The following CNTNAP2 variants were observed in gnomAD, a reference collection of about 807,000 sequenced individuals.
CNTNAP2 encodes the protein contactin associated protein 2.
Under a neutral mutation model 155.2 loss-of-function variants are expected in CNTNAP2, and 98 were observed. The ratio of observed to expected loss-of-function variants is 0.63; its 90% confidence interval spans 0.54 to 0.75. The LOEUF is 0.75. CNTNAP2 is among the 30% of genes least tolerant of loss of function. CNTNAP2 has a pLI of 0.00. For missense variants in CNTNAP2, 1,727 were observed against 1,688.1 expected, an observed-to-expected ratio of 1.02 and a Z score of -0.40; for synonymous variants, 651 against 631.2, an observed-to-expected ratio of 1.03 and a Z score of -0.47.
intron 13 of CNTNAP2, among the ~76,000 whole-genome samples, chr7:147,890,078 A>T (rs1368871006): frequency 2.6e-5 from 4 of 152,206 alleles, no homozygotes; most frequent in South Asian, 2.1e-4. Flanking sequence ...TAGACATTTT[A>T]AAAATACTTC....
intron 1 of CNTNAP2, among the ~76,000 whole-genome samples, chr7:146,744,227 CAA>C (rs60606492): frequency 0.081 from 3,868 of 47,660 alleles, 25 homozygotes; most frequent in African/African-American, 0.17. Flanking sequence ...CACTCTGTCT[CAA>C]AAAAAAAAAA....
At chr7:148,226,705 G>A (rs187603552) in intron 19 of CNTNAP2, among the ~76,000 whole-genome samples, 244 of 152,284 alleles carry the variant, frequency 1.6e-3, no homozygotes, top group African/African-American at 5.6e-3. Context: ...CCCCTCCCAC[G>A]TGCTCGCAGG....
chr7:147,124,083 A>C (rs1342230050), intron 6 of CNTNAP2, among the ~76,000 whole-genome samples: 1 of 152,118 alleles, frequency 6.6e-6, no homozygotes, highest in Non-Finnish European at 1.5e-5. Context: ...CACGGACTGT[A>C]TTAGAGTCAG....
chr7:147,180,766 G>A (rs1019212916), intron 8 of CNTNAP2, among the ~76,000 whole-genome samples: 3 of 152,006 alleles, frequency 2.0e-5, no homozygotes, highest in East Asian at 1.9e-4. Flanking sequence ...ATACTTGTAC[G>A]CTGTACTGAT....
intron 15 of CNTNAP2, among the ~76,000 whole-genome samples, chr7:148,007,236 A>G (rs1242421698): frequency 6.6e-6 from 1 of 151,856 alleles, no homozygotes; most frequent in African/African-American, 2.4e-5. Context: ...TCAACAAAAC[A>G]GAGCAAATTC....
intron 1 of CNTNAP2, among the ~76,000 whole-genome samples, chr7:146,336,092 G>A (rs1000471987): frequency 1.3e-5 from 2 of 151,672 alleles, no homozygotes; most frequent in African/African-American, 2.4e-5. Context: ...CCAGCTACTC[G>A]GGAGGATGAG....
At position 146,367,136 on chromosome 7, in the gene CNTNAP2, T is replaced by C. The variant is rs577785890; in HGVS notation, c.97+250163T>C. 5.9e-5 allele frequency among the ~76,000 whole-genome samples: 9 copies of C among 152,298 alleles called. No homozygotes were observed. The East Asian group carries it at 1.7e-3, about 29-fold the overall frequency. On this transcript the variant is annotated intron_variant, in intron 1 of 23. Coordinates refer to ENST00000361727, the MANE Select transcript of CNTNAP2 (RefSeq NM_014141.6). ...AGTGCATGATTTCATCCTTTAGCCATGGTGATTCATTGTTGATGACTAATA... is the reference window on the plus strand; with the variant it reads ...AGTGCATGATTTCATCCTTTAGCCACGGTGATTCATTGTTGATGACTAATA...
intron 1 of CNTNAP2, among the ~76,000 whole-genome samples, chr7:146,624,000 T>A (rs1195159156): frequency 6.6e-6 from 1 of 152,108 alleles, no homozygotes; most frequent in Non-Finnish European, 1.5e-5. Flanking sequence ...TGCTCTAACT[T>A]AATGGCAAAT....
intron 1 of CNTNAP2, among the ~76,000 whole-genome samples, chr7:146,631,479 C>T (rs1455471494): frequency 6.6e-6 from 1 of 152,086 alleles, no homozygotes; most frequent in Admixed American, 6.6e-5. Flanking sequence ...TCGGTTCTGT[C>T]CCAAGGTAAA....
intron 8 of CNTNAP2, among the ~76,000 whole-genome samples, chr7:147,251,172 GC>G (rs993588364): frequency 6.6e-6 from 1 of 152,126 alleles, no homozygotes; most frequent in Non-Finnish European, 1.5e-5. Flanking sequence ...ATAAAAAAGA[GC>G]AGGATTTCAC....
At chr7:146,403,610 A>G (rs981781417) in intron 1 of CNTNAP2, among the ~76,000 whole-genome samples, 23 of 152,170 alleles carry the variant, frequency 1.5e-4, no homozygotes, top group Non-Finnish European at 1.8e-4. Context: ...TATTTTGGAA[A>G]ACAAATGTTA....
At chr7:146,642,943 T>A (rs1799737953) in intron 1 of CNTNAP2, among the ~76,000 whole-genome samples, 1 of 151,376 alleles carries the variant, frequency 6.6e-6, no homozygotes, top group Non-Finnish European at 1.5e-5. Context: ...GTTTTTTGGC[T>A]GCATAAATGT....
intron 12 of CNTNAP2, among the ~76,000 whole-genome samples, chr7:147,596,550 A>T (rs1002843164): frequency 1.3e-5 from 2 of 152,088 alleles, no homozygotes; most frequent in Non-Finnish European, 2.9e-5. Flanking sequence ...CGGGGTCTCA[A>T]ACCTTGTGCA....
At position 148,027,869 on chromosome 7, in the gene CNTNAP2, A is replaced by G. The variant is rs575850404; in HGVS notation, c.2383+49880A>G. On this transcript the variant is annotated intron_variant, in intron 15 of 23. Coordinates refer to ENST00000361727, the MANE Select transcript of CNTNAP2 (RefSeq NM_014141.6). ...TGAAACACTCAACTTGGGCCTCTCA[A>G]TTTCTGAAACTCTTGACTTTGATGA... 2.6e-5 allele frequency among the ~76,000 whole-genome samples: 4 copies of G among 152,266 alleles called. No homozygotes were observed. The East Asian group carries it at 7.7e-4, about 29-fold the overall frequency.
intron 1 of CNTNAP2, among the ~76,000 whole-genome samples, chr7:146,523,524 C>T (rs1797645520): frequency 6.6e-6 from 1 of 152,074 alleles, no homozygotes; most frequent in African/African-American, 2.4e-5. Context: ...ACCTTTCCAA[C>T]CTCCTTAATC....
chr7:147,855,887 C>T lies in CNTNAP2; in HGVS notation c.2099-47678C>T, dbSNP rs370487110. On this transcript the variant is annotated intron_variant, in intron 13 of 23. Transcript: ENST00000361727. ...GTCTAAAAAGATGTTCTGCCCATGT[C>T]GATTTGAACACCTATTTTTTGTAAA... Among the ~76,000 whole-genome samples the T allele has an allele frequency of 5.9e-5, 9 of 152,204 alleles. No individual in the cohort carries two copies. The East Asian group carries it at 9.7e-4, about 16-fold the overall frequency.
At chr7:146,466,326 T>A (rs1796716904) in intron 1 of CNTNAP2, among the ~76,000 whole-genome samples, 1 of 152,190 alleles carries the variant, frequency 6.6e-6, no homozygotes, top group African/African-American at 2.4e-5. Context: ...AATAAGTTTT[T>A]GCAGCATCGC....
intron 14 of CNTNAP2, among the ~76,000 whole-genome samples, chr7:147,931,236 T>A: frequency 6.9e-6 from 1 of 144,968 alleles, no homozygotes. Context: ...CTTGAAGAAA[T>A]ATTTTCTAAA....
intron 8 of CNTNAP2, among the ~76,000 whole-genome samples, chr7:147,288,864 C>G (rs12111864): frequency 0.06 from 9,060 of 152,200 alleles, 369 homozygotes; most frequent in African/African-American, 0.12. Flanking sequence ...ACACTACATA[C>G]AAAATGTGAT....
Sources: allele counts gnomAD v4.1 joint callset (sites outside exome capture counted in the v4.1 genomes callset), GRCh38; gene constraint gnomAD v4.1.1; transcripts MANE v1.5; gene names NCBI Gene and HGNC (gene_info 2026-07-23, HGNC 2026-07-21).